Variants in THOP1 observed in about 807,000 individuals in gnomAD.
THOP1 encodes the protein thimet oligopeptidase 1.
In THOP1, 49 loss-of-function variants were observed where a neutral mutation model predicts 71.8. That is an observed-to-expected ratio of 0.68 (90% CI 0.54 to 0.87). THOP1 has a LOEUF of 0.87. THOP1 is among the 40% of genes least tolerant of loss of function. The pLI is 0.00. For synonymous variants in THOP1, 426 were observed against 421.5 expected (o/e 1.01, Z -0.13); for missense variants, 843 against 975.6 (o/e 0.86, Z 1.81).
At position 2,804,909 on chromosome 19, in the gene THOP1, C is replaced by T; in HGVS notation, c.590-107C>T. On this transcript the variant is annotated intron_variant, in intron 5 of 12. Coordinates refer to ENST00000307741, the MANE Select transcript of THOP1 (RefSeq NM_003249.5). This position sits in a 1 kb window ranked among gnomAD's most constrained non-coding sequence, Gnocchi z 4.7. ...GCTGCAGCTGCTCGCTGAGGGCCCC[C>T]TTGTAGCTTTCCAGGCAGAGGGGAA... 8.2e-7 allele frequency: 1 copy of T among 1,218,408 alleles called. No homozygotes were observed. Among genetic ancestry groups the T allele is most frequent in the East Asian group, 2.7e-5 (1 of 37,064 alleles). The allele number at this position is 1,218,408 out of a possible 1,614,324, so 75.5% of individuals were successfully genotyped here.
rs1916008320 is a variant in THOP1 at position 2,796,143 on chromosome 19, G to A, written c.441G>A (p.Lys147=). ...EAARYLERLI[K]LGRRNGLHLP... ...CGCGGTACCTGGAGCGGCTAATCAAGCTGGGCCGGAGAAATGGGCTTCACC... is the reference window on the plus strand; with the variant it reads ...CGCGGTACCTGGAGCGGCTAATCAAACTGGGCCGGAGAAATGGGCTTCACC... Residue 147 remains lysine (K), a synonymous_variant, in exon 4 of 13, where the codon AAG becomes AAA. Transcript: ENST00000307741. The A allele has an allele frequency of 6.2e-7, 1 of 1,613,776 alleles. No individual in the cohort carries two copies. The highest frequency in any genetic ancestry group is 8.5e-7 in the Non-Finnish European group (1 of 1,179,990).
At chr19:2,790,879 G>A (rs930150580) in intron 2 of THOP1, among the ~76,000 whole-genome samples, 1 of 152,206 alleles carries the variant, frequency 6.6e-6, no homozygotes. Context: ...AGTTCCTCCC[G>A]TGCTCCGCTC....
At chr19:2,813,084 A>C (rs1599535392) in intron 12 of THOP1, 31 bp from the exon 13 acceptor site, 1 of 1,585,028 alleles carries the variant, frequency 6.3e-7, no homozygotes. Flanking sequence ...CTGGGTCCCC[A>C]CCCGGCCACA....
At chr19:2,793,329 C>T (rs1370621709) in intron 2 of THOP1, among the ~76,000 whole-genome samples, 1 of 152,150 alleles carries the variant, frequency 6.6e-6, no homozygotes, top group Non-Finnish European at 1.5e-5. Context: ...TCTCCCCTGT[C>T]CCCAGCCCTG....
At position 2,805,833 on chromosome 19, in the gene THOP1, G is replaced by A. The variant is rs903436012; in HGVS notation, c.750+657G>A. ...CTGATCACTGCAAGGGGACGGGCGGGTGCCCATCACTGCGGGGGGACGGGC... is the reference window on the plus strand; with the variant it reads ...CTGATCACTGCAAGGGGACGGGCGGATGCCCATCACTGCGGGGGGACGGGC... On this transcript the variant is annotated intron_variant, in intron 6 of 12. Coordinates refer to ENST00000307741, the MANE Select transcript of THOP1 (RefSeq NM_003249.5). The surrounding 1 kb of genome is among the most constrained non-coding windows in gnomAD (Gnocchi z 6.6). Among the ~76,000 whole-genome samples the A allele has an allele frequency of 6.7e-5, 10 of 150,144 alleles. No homozygotes were observed. Among genetic ancestry groups the A allele is most frequent in the African/African-American group, 2.5e-4 (10 of 40,750 alleles).
chr19:2,788,442 C>T (rs1361155396), intron 1 of THOP1, among the ~76,000 whole-genome samples: 1 of 151,826 alleles, frequency 6.6e-6, no homozygotes, highest in African/African-American at 2.4e-5. Flanking sequence ...AGTTCAAAGC[C>T]TTCATTGTCA....
In THOP1 at chr19:2,796,109, C is replaced by T; in HGVS notation, c.407C>T (p.Pro136Leu). 6.2e-7 allele frequency: 1 copy of T among 1,613,898 alleles called. No individual in the cohort carries two copies. The highest frequency in any genetic ancestry group is 1.3e-5 in the African/African-American group (1 of 75,032). The change falls in exon 4 of 13, where the codon CCC (proline) becomes CTC (leucine). Residue 136 changes from proline (P) to leucine (L), a missense_variant. Transcript: ENST00000307741. ...AAAGTTCAGAAGGACTCACTGAGGCCCGAGGCTGCGCGGTACCTGGAGCGG... is the reference window on the plus strand; with the variant it reads ...AAAGTTCAGAAGGACTCACTGAGGCTCGAGGCTGCGCGGTACCTGGAGCGG... ...QEKVQKDSLR[P>L]EAARYLERLI...
chr19:2,800,417 C>T (rs1247521885), intron 5 of THOP1, among the ~76,000 whole-genome samples: 2 of 152,200 alleles, frequency 1.3e-5, no homozygotes, highest in Non-Finnish European at 2.9e-5. Context: ...CTCCTGGGCT[C>T]AGGATCTGCC....
chr19:2,791,159 G>A (rs1395642288), intron 2 of THOP1, among the ~76,000 whole-genome samples: 3 of 152,176 alleles, frequency 2.0e-5, no homozygotes, highest in Admixed American at 6.5e-5. Context: ...CCCTCAGCCC[G>A]ATCCTCCTCC....
chr19:2,795,256 G>A (rs1053575157), intron 3 of THOP1, among the ~76,000 whole-genome samples: 2 of 152,332 alleles, frequency 1.3e-5, no homozygotes, highest in African/African-American at 2.4e-5. Flanking sequence ...CACCACGCCC[G>A]GCCACACATG....
At chr19:2,803,020 G>C (rs1439366400) in intron 5 of THOP1, among the ~76,000 whole-genome samples, 1 of 151,076 alleles carries the variant, frequency 6.6e-6, no homozygotes, top group Non-Finnish European at 1.5e-5. Context: ...CTCTGAGCCC[G>C]CGCTTACTGT....
intron 2 of THOP1, 152 bp from the exon 3 acceptor site, chr19:2,794,612 G>C: frequency 2.2e-6 from 2 of 892,700 alleles, no homozygotes; most frequent in Non-Finnish European, 3.4e-6. Flanking sequence ...ACGGTGGCGT[G>C]TGCCTCTAGT....
intron 8 of THOP1, 105 bp downstream of exon 8, chr19:2,807,913 G>A: frequency 9.2e-6 from 12 of 1,307,204 alleles, no homozygotes; most frequent in Non-Finnish European, 1.2e-5. Context: ...TGCTCCATGG[G>A]GCCTCGGGGA....
chr19:2,808,082 A>T, intron 8 of THOP1, 161 bp from the exon 9 acceptor site: 2 of 907,264 alleles, frequency 2.2e-6, no homozygotes, highest in South Asian at 1.6e-5. Context: ...CGTGGTTTTC[A>T]TGCTGCCCTG....
chr19:2,802,327 AC>A (rs924554076), intron 5 of THOP1, among the ~76,000 whole-genome samples: 1 of 94,600 alleles, frequency 1.1e-5, no homozygotes, highest in Non-Finnish European at 2.1e-5. Context: ...ACTTCCCGAC[AC>A]CCCCACCTCC....
intron 5 of THOP1, among the ~76,000 whole-genome samples, chr19:2,803,731 G>A (rs1408082769): frequency 3.9e-5 from 6 of 152,178 alleles, no homozygotes; most frequent in East Asian, 1.9e-4. Context: ...CCAGGCCCAC[G>A]CTGGTGCTGG....
rs773779835 is a variant in THOP1, at chr19:2,790,645, G to T, written c.229+12G>T. On this transcript the variant is annotated intron_variant, in intron 2 of 12. Coordinates refer to ENST00000307741, the MANE Select transcript of THOP1 (RefSeq NM_003249.5). ...GGTCACCTACACAGGTAAGTCCCAG[G>T]CAGGGTCTGTGCGTGGGCCGCAGGT... is the stretch of plus-strand genomic sequence containing the variant. 1.3e-6 allele frequency: 2 copies of T among 1,530,732 alleles called. No individual in the cohort carries two copies. Among genetic ancestry groups the T allele is most frequent in the Non-Finnish European group, 1.8e-6 (2 of 1,138,928 alleles). The allele number at this position is 1,530,732 out of a possible 1,614,324, so 94.8% of individuals were successfully genotyped here.
At position 2,813,304 on chromosome 19, in the gene THOP1, G is replaced by C. The variant is rs771258530; in HGVS notation, c.*28G>C. The C allele has an allele frequency of 6.3e-7, 1 of 1,583,376 alleles. No homozygotes were observed. The highest frequency in any genetic ancestry group is 8.6e-7 in the Non-Finnish European group (1 of 1,165,202). On this transcript the variant is annotated 3_prime_UTR_variant, in exon 13 of 13. Transcript: ENST00000307741. ...CCTGGCACTGCGACTGCCCAGTCTG[G>C]CCTGCGCTCCCGCCGCCCTGGTGCC...
chr19:2,807,199 C>T, intron 7 of THOP1, 147 bp downstream of exon 7: 8 of 1,272,484 alleles, frequency 6.3e-6, no homozygotes, highest in East Asian at 2.6e-5. Flanking sequence ...CCTCACTCCC[C>T]CCGAGGGACC....
Sources: gnomAD v4.1 joint callset for allele counts (sites outside exome capture counted in the v4.1 genomes callset) on GRCh38, gnomAD v4.1.1 for gene constraint, Gnocchi (gnomAD v3.1) non-coding constraint, MANE v1.5 for transcripts, NCBI Gene and HGNC (gene_info 2026-07-23, HGNC 2026-07-21) for gene names.